CNGB3: variants seen among roughly 807,000 people sequenced by gnomAD.
The protein encoded by CNGB3 is cyclic nucleotide-gated channel beta-3.
CNGB3 carries 86 observed loss-of-function variants against 92.8 expected under a neutral mutation model. The observed-to-expected ratio is 0.93, with a 90% CI of 0.78 to 1.11. CNGB3 has a LOEUF of 1.11. Among genes scored for constraint, CNGB3 ranks in the 50% least tolerant of loss-of-function variants. The pLI is 0.00. For synonymous variants in CNGB3, 333 were observed against 332.7 expected (o/e 1.00, Z -0.01); for missense variants, 1,026 against 956.8 (o/e 1.07, Z -0.95).
chr8:86,631,199 C>T (rs372677133), intron 11 of CNGB3, among the ~76,000 whole-genome samples: 1 of 152,080 alleles, frequency 6.6e-6, no homozygotes, highest in South Asian at 2.1e-4. Flanking sequence ...AATCACTTGA[C>T]GATTTTGTTA....
chr8:86,610,238 C>T (rs1375183858), intron 14 of CNGB3, among the ~76,000 whole-genome samples: 1 of 152,116 alleles, frequency 6.6e-6, no homozygotes, highest in East Asian at 1.9e-4. Context: ...AAAGGTAGGC[C>T]CCTAAAGGAC....
In CNGB3 at chr8:86,733,209, T is replaced by C. The variant is rs115578062; in HGVS notation, c.211+6446A>G. On this transcript the variant is annotated intron_variant, in intron 2 of 17. Coordinates refer to ENST00000320005, the MANE Select transcript of CNGB3 (RefSeq NM_019098.5). ...ACATGTGGTATTTGGCTTTCTATTT[T>C]TGGGTCAATTTGTTTAAGATAATGG... Among the ~76,000 whole-genome samples, 1,225 of 152,242 alleles carry C rather than the reference T, an allele frequency of 8.0e-3. 19 individuals are homozygous for C. The highest frequency in any genetic ancestry group is 0.028 in the African/African-American group (1,169 of 41,542).
intron 14 of CNGB3, among the ~76,000 whole-genome samples, chr8:86,609,338 A>G (rs1822475234): frequency 6.6e-6 from 1 of 152,170 alleles, no homozygotes; most frequent in Non-Finnish European, 1.5e-5. Flanking sequence ...GGACTGCACT[A>G]TGGCTTGTAT....
chr8:86,582,089 C>G (rs1026633105), intron 15 of CNGB3, among the ~76,000 whole-genome samples: 1 of 129,230 alleles, frequency 7.7e-6, no homozygotes, highest in African/African-American at 2.7e-5. Context: ...CGAAATATGA[C>G]ACAGATATTG....
chr8:86,593,713 TGTC>T, intron 15 of CNGB3: 1 of 840,768 alleles, frequency 1.2e-6, no homozygotes, highest in Non-Finnish European at 1.9e-6. Context: ...GGGCCAGGCC[TGTC>T]GTCCAGCAGT....
intron 8 of CNGB3, among the ~76,000 whole-genome samples, chr8:86,646,439 T>C (rs1407670256): frequency 6.6e-6 from 1 of 151,186 alleles, no homozygotes; most frequent in Non-Finnish European, 1.5e-5. Context: ...ATAAATGTGA[T>C]AGAGTTCAGA....
At position 86,579,206 on chromosome 8, in the gene CNGB3, C is replaced by T; in HGVS notation, c.1828G>A (p.Ala610Thr). 6.2e-7 allele frequency: 1 copy of T among 1,614,140 alleles called. No individual in the cohort carries two copies. Among genetic ancestry groups the T allele is most frequent in the Non-Finnish European group, 8.5e-7 (1 of 1,180,018 alleles). ...GGNRRTANVV[A>T]HGFANLLTLD... ...GTTAAAAGATTGGCAAACCCGTGGGCCACCACATTGGCAGTTCGACGGTTT... is the reference window on the plus strand; with the variant it reads ...GTTAAAAGATTGGCAAACCCGTGGGTCACCACATTGGCAGTTCGACGGTTT... The change falls in exon 16 of 18, where the codon GCC (alanine) becomes ACC (threonine). Residue 610 changes from alanine (A) to threonine (T), a missense_variant. Coordinates refer to ENST00000320005, the MANE Select transcript of CNGB3 (RefSeq NM_019098.5).
chr8:86,715,204 T>G (rs1442453053), intron 3 of CNGB3, among the ~76,000 whole-genome samples: 1 of 151,996 alleles, frequency 6.6e-6, no homozygotes, highest in Non-Finnish European at 1.5e-5. Flanking sequence ...GATGCGCTCT[T>G]GAAAGCACCA....
chr8:86,657,433 A>C, intron 6 of CNGB3: 1 of 503,962 alleles, frequency 2.0e-6, no homozygotes. Context: ...AGAAAAATGG[A>C]ATGCAGGGGT....
At chr8:86,612,970 AGAT>A (rs1386785152) in intron 13 of CNGB3, among the ~76,000 whole-genome samples, 2 of 152,202 alleles carry the variant, frequency 1.3e-5, no homozygotes, top group African/African-American at 4.8e-5. Context: ...TGATGGTAGA[AGAT>A]AATCATGTCA....
chr8:86,634,061 A>G (rs1357073292), intron 10 of CNGB3, among the ~76,000 whole-genome samples: 2 of 152,178 alleles, frequency 1.3e-5, no homozygotes, highest in Non-Finnish European at 2.9e-5. Flanking sequence ...ATTACAGACC[A>G]GATAGGAACA....
chr8:86,693,861 G>T (rs539361498), intron 3 of CNGB3, among the ~76,000 whole-genome samples: 5 of 152,050 alleles, frequency 3.3e-5, no homozygotes, highest in Non-Finnish European at 5.9e-5. Flanking sequence ...ACACAGACAC[G>T]GCAACCATCC....
chr8:86,592,743 A>G (rs1406397081), intron 15 of CNGB3, among the ~76,000 whole-genome samples: 2 of 152,222 alleles, frequency 1.3e-5, no homozygotes, highest in Non-Finnish European at 2.9e-5. Context: ...TGGAAAGAAC[A>G]TCATATTCAA....
rs976144409 is a variant in CNGB3, at chr8:86,632,835, C to G, written c.1237G>C (p.Glu413Gln). 7 of 1,612,776 alleles carry G rather than the reference C, an allele frequency of 4.3e-6. No individual in the cohort carries two copies. Among genetic ancestry groups the G allele is most frequent in the Admixed American group, 1.7e-5 (1 of 59,960 alleles). ...RTLITIGGLPEPQTLFEIVFQ... is the reference protein window; with the variant it reads ...RTLITIGGLPQPQTLFEIVFQ... ...ACAATTTCAAATAAAGTTTGTGGTT[C>G]TGGAAGGCCACCAATGGTAATTAAA... Residue 413 changes from glutamate (E) to glutamine (Q), a missense_variant, in exon 11 of 18, where the codon GAA becomes CAA. By Grantham distance (29) the Glu-to-Gln change is conservative. Transcript: ENST00000320005.
At chr8:86,644,568 ATGT>A (rs1423851225) in intron 9 of CNGB3, 51 bp downstream of exon 9, 2 of 1,585,388 alleles carry the variant, frequency 1.3e-6, no homozygotes, top group African/African-American at 1.4e-5. Flanking sequence ...TCCGTCTAAA[ATGT>A]TGTACCATTG....
At chr8:86,712,637 G>A (rs1439771772) in intron 3 of CNGB3, among the ~76,000 whole-genome samples, 1 of 151,672 alleles carries the variant, frequency 6.6e-6, no homozygotes, top group African/African-American at 2.4e-5. Context: ...CTGTTCTATG[G>A]TTTGATTCAT....
chr8:86,717,938 T>A (rs1019205513), intron 3 of CNGB3, among the ~76,000 whole-genome samples: 1 of 152,046 alleles, frequency 6.6e-6, no homozygotes. Flanking sequence ...GAAATCAAGA[T>A]GAAAATTAAA....
At chr8:86,648,904 C>CA (rs1029329466) in intron 7 of CNGB3, among the ~76,000 whole-genome samples, 12 of 151,272 alleles carry the variant, frequency 7.9e-5, no homozygotes, top group Non-Finnish European at 1.6e-4. Flanking sequence ...CTAGAAAACA[C>CA]AAAGACATCT....
Position 86,632,860 on chromosome 8 carries a change from A to T in CNGB3, c.1212T>A (p.Thr404=), listed in dbSNP as rs1415277971. 1.2e-6 allele frequency: 2 copies of T among 1,612,802 alleles called. No homozygotes were observed. Among genetic ancestry groups the T allele is most frequent in the South Asian group, 2.2e-5 (2 of 91,018 alleles). ...CTGGAAGGCCACCAATGGTAATTAA[A>T]GTTCGAACTGCCCAATAATAACATC... ...YLRCYYWAVR[T]LITIGGLPEP... Residue 404 remains threonine, a synonymous_variant, in exon 11 of 18, where the codon ACT becomes ACA. Coordinates refer to ENST00000320005, the MANE Select transcript of CNGB3 (RefSeq NM_019098.5).
Sources: gnomAD v4.1 joint callset for allele counts (sites outside exome capture counted in the v4.1 genomes callset) on GRCh38, gnomAD v4.1.1 for gene constraint, MANE v1.5 for transcripts, NCBI Gene and HGNC (gene_info 2026-07-23, HGNC 2026-07-21) for gene names.